The following NXF3 variants were observed in gnomAD, a reference collection of about 807,000 sequenced individuals.
NXF3 encodes the protein nuclear RNA export factor 3, also known as TAP-like protein 3.
Under a neutral mutation model 48.4 loss-of-function variants are expected in NXF3, and 34 were observed. The ratio of observed to expected loss-of-function variants is 0.70; its 90% CI spans 0.53 to 0.93. The LOEUF (loss-of-function observed/expected upper bound fraction) is 0.93, where lower values mean the gene tolerates loss of function less well. Among genes scored for constraint, NXF3 ranks in the 40% least tolerant of loss-of-function variants. NXF3 has a pLI of 0.00. For synonymous variants in NXF3, 132 were observed against 145.7 expected (o/e 0.91, Z 0.68); for missense variants, 359 against 406.1 (o/e 0.88, Z 1.00).
intron 10 of NXF3, 126 bp from the exon 11 acceptor site, chrX:103,080,342 G>T: frequency 2.8e-6 from 2 of 723,486 alleles, no homozygotes; most frequent in South Asian, 2.5e-5. Flanking sequence ...GAAATTACGT[G>T]GGCAAGACTA....
At position 103,077,761 on chromosome X, in the gene NXF3, G is replaced by A. The variant is rs1921908449; in HGVS notation, c.1452-15C>T. 1 of 1,208,876 alleles carries A rather than the reference G, an allele frequency of 8.3e-7. No homozygotes were observed. On this transcript the variant is annotated splice_polypyrimidine_tract_variant and intron_variant, in intron 17 of 19. Coordinates refer to ENST00000395065, the MANE Select transcript of NXF3 (RefSeq NM_022052.2). ...CGATGCACAGACTGGAGGAAAAATG[G>A]GCCATCAGGTAGCCGGAGAGAAGGA...
chrX:103,076,370 AT>A (rs1921870984), intron 18 of NXF3, 69 bp from the exon 19 acceptor site: 1 of 1,073,975 alleles, frequency 9.3e-7, no homozygotes, highest in African/African-American at 1.8e-5. Context: ...ATACAATGCC[AT>A]TTCTTAATCT....
intron 9 of NXF3, chrX:103,082,022 T>A (rs1922026529): frequency 2.5e-6 from 1 of 394,524 alleles, no homozygotes; most frequent in Admixed American, 4.1e-5. Context: ...TAGAGGAGGC[T>A]GGGTGGAGAC....
rs111456832 is a variant in NXF3 at position 103,091,857 on chromosome X, T to C, written c.28+1139A>G. 5.8e-3 allele frequency among the ~76,000 whole-genome samples: 624 copies of C among 108,155 alleles called. 4 individuals are homozygous for C. The highest frequency in any genetic ancestry group is 0.02 in the African/African-American group (597 of 29,679). 93.9% of individuals were successfully genotyped at this position (108,155 alleles called of 115,157 possible). On this transcript the variant is annotated intron_variant, in intron 1 of 19. Coordinates refer to ENST00000395065, the MANE Select transcript of NXF3 (RefSeq NM_022052.2). ...AAAATTAGCCAGGCATGGTGGCGGA[T>C]GCCTGTAGTCCCAGCTACTCGGGAG... is the stretch of plus-strand genomic sequence containing the variant.
At chrX:103,087,275 A>G (rs1922179111) in intron 1 of NXF3, 3 of 1,097,841 alleles carry the variant, frequency 2.7e-6, no homozygotes, top group South Asian at 1.9e-5. Flanking sequence ...AACAGGCCAT[A>G]TATTTGCAAT....
In NXF3 at chrX:103,077,593, C is replaced by T. The variant is rs371304447; in HGVS notation, c.1584+21G>A. The stretch of plus-strand genomic sequence containing the variant: ...GGCAACTGGTAGTTCATCCCCCAGA[C>T]TGGGCAGAGAAAACCTGTACCATTT... On this transcript the variant is annotated intron_variant, in intron 18 of 19. Coordinates refer to ENST00000395065, the MANE Select transcript of NXF3 (RefSeq NM_022052.2). 5.8e-6 allele frequency: 7 copies of T among 1,207,176 alleles called. No individual in the cohort carries two copies. The African/African-American group carries it at 1.2e-4, about 21-fold the overall frequency.
intron 17 of NXF3, among the ~76,000 whole-genome samples, chrX:103,078,353 C>T (rs1921921624): frequency 8.9e-6 from 1 of 112,049 alleles, no homozygotes; most frequent in African/African-American, 3.2e-5. Flanking sequence ...CTCAAACTCT[C>T]GGGCTCAAGC....
Position 103,079,210 on chromosome X carries a change from C to T in NXF3, c.1378+11G>A. 8.3e-7 allele frequency: 1 copy of T among 1,210,166 alleles called. No homozygotes were observed. The highest frequency in any genetic ancestry group is 1.1e-6 in the Non-Finnish European group (1 of 894,009). On this transcript the variant is annotated intron_variant, in intron 16 of 19. Transcript: ENST00000395065. ...TGGGGGATCTGGGGAAGGGACTCTA[C>T]AGACACTCACCTTCCTTGAACACCC...
intron 1 of NXF3, among the ~76,000 whole-genome samples, chrX:103,091,441 T>C (rs1227393407): frequency 2.7e-5 from 3 of 111,679 alleles, no homozygotes; most frequent in African/African-American, 6.5e-5. Context: ...GTTATTTAAA[T>C]AGCATTTACA....
intron 16 of NXF3, 39 bp from the exon 17 acceptor site, chrX:103,078,671 A>G (rs1921931023): frequency 1.7e-6 from 2 of 1,209,593 alleles, no homozygotes; most frequent in Non-Finnish European, 2.2e-6. Flanking sequence ...AGAGTTGCAC[A>G]GGCTTTACGT....
Position 103,088,126 on chromosome X carries a change from T to C in NXF3, c.29-3243A>G, listed in dbSNP as rs948165294. Reference sequence around the variant, plus strand: ...TCACAGCAGATTCTCAATGAACACATGTGTTTTCCTGCTAGAGGTGGCAAA... The same window carrying C: ...TCACAGCAGATTCTCAATGAACACACGTGTTTTCCTGCTAGAGGTGGCAAA... On this transcript the variant is annotated intron_variant, in intron 1 of 19. Coordinates refer to ENST00000395065, the MANE Select transcript of NXF3 (RefSeq NM_022052.2). The C allele has an allele frequency of 6.4e-6, 6 of 941,551 alleles. No homozygotes were observed. The Admixed American group carries it at 9.6e-5, about 15-fold the overall frequency. The allele number at this position is 941,551 out of a possible 1,213,427, so 77.6% of individuals were successfully genotyped here. A position where few individuals can be genotyped will look rare whatever the true frequency, so the allele number is the denominator to read the frequency against.
At chrX:103,079,158 T>G in intron 16 of NXF3, 63 bp downstream of exon 16, 5 of 1,085,404 alleles carry the variant, frequency 4.6e-6, no homozygotes, top group South Asian at 1.8e-5. Flanking sequence ...AGTTCTGAGA[T>G]GGAGCCCAGC....
At chrX:103,088,444 A>G in intron 1 of NXF3, 1 of 808,003 alleles carries the variant, frequency 1.2e-6, no homozygotes, top group Non-Finnish European at 1.8e-6. Flanking sequence ...CAGAACCAAA[A>G]TGTGGGAAAA....
chrX:103,082,126 A>G (rs767718921), intron 9 of NXF3, 129 bp downstream of exon 9: 5 of 533,819 alleles, frequency 9.4e-6, no homozygotes, highest in Non-Finnish European at 1.7e-5. Flanking sequence ...TGACACAGAG[A>G]GAGGAGTGGG....
In NXF3 at chrX:103,083,447, T is replaced by A. The variant is rs1256484158; in HGVS notation, c.491A>T (p.Tyr164Phe). 3.3e-6 allele frequency: 4 copies of A among 1,209,434 alleles called. No individual in the cohort carries two copies. Among genetic ancestry groups the A allele is most frequent in the African/African-American group, 3.5e-5 (2 of 57,181 alleles). Residue 164 changes from tyrosine to phenylalanine, a missense_variant, in exon 5 of 20, where the codon TAT becomes TTT. By Grantham distance (22) the Tyr-to-Phe change is conservative. Transcript: ENST00000395065. Reference sequence around the variant, plus strand: ...CTTGCCACTGACATTCTTCAGTGCATAGGCGATGCTGGCATTCTCCACAAA... The same window carrying A: ...CTTGCCACTGACATTCTTCAGTGCAAAGGCGATGCTGGCATTCTCCACAAA... ...SFFVENASIA[Y>F]ALKNVSGKIW...
intron 17 of NXF3, 69 bp downstream of exon 17, chrX:103,078,491 C>T: frequency 1.7e-6 from 2 of 1,197,574 alleles, no homozygotes; most frequent in Middle Eastern, 2.3e-4. Flanking sequence ...CCGAGGACTG[C>T]ACCACCACAT....
At chrX:103,083,546 C>T (rs762830446) in intron 4 of NXF3, 44 bp from the exon 5 acceptor site, 7 of 1,169,715 alleles carry the variant, frequency 6.0e-6, no homozygotes, top group Non-Finnish European at 8.2e-6. Context: ...AGGCCAGAGT[C>T]TCTGCTCATC....
chrX:103,082,484 A>T (rs1293626189), intron 8 of NXF3, 120 bp from the exon 9 acceptor site: 1 of 497,591 alleles, frequency 2.0e-6, no homozygotes, highest in African/African-American at 2.4e-5. Flanking sequence ...ACCCTAATGA[A>T]CCCTCCTCCC....
chrX:103,082,204 G>A (rs775588222), intron 9 of NXF3, 51 bp downstream of exon 9: 5 of 839,488 alleles, frequency 6.0e-6, no homozygotes, highest in Admixed American at 2.2e-5. Flanking sequence ...GCAGAAGGGC[G>A]CTATCAAACA....
Sources: allele counts gnomAD v4.1 joint callset (sites outside exome capture counted in the v4.1 genomes callset), GRCh38; gene constraint gnomAD v4.1.1; transcripts MANE v1.5; gene names NCBI Gene and HGNC (gene_info 2026-07-23, HGNC 2026-07-21).